SCN7A: variants seen among roughly 807,000 people sequenced by gnomAD.
The protein encoded by SCN7A is sodium voltage-gated channel alpha subunit 7.
In SCN7A, 138 loss-of-function variants were observed where a neutral mutation model predicts 155.2. That is an observed-to-expected ratio of 0.89 (90% CI 0.77 to 1.02). The LOEUF (loss-of-function observed/expected upper bound fraction) is 1.02. SCN7A is among the 50% of genes least tolerant of loss of function. The pLI, the probability that SCN7A is intolerant of heterozygous loss-of-function variation, is 0.00. For synonymous variants in SCN7A, 693 were observed against 649.0 expected, an observed-to-expected ratio of 1.07 and a Z score of -1.03; for missense variants, 2,058 against 1,986.6, an observed-to-expected ratio of 1.04 and a Z score of -0.68.
In SCN7A at chr2:166,414,002, T is replaced by TATATATATATATATATAA. The variant is rs1443391022; in HGVS notation, c.3415-882_3415-881insTTATATATATATATATAT. On this transcript the variant is annotated intron_variant, in intron 21 of 25. Transcript: ENST00000643258. ...ATGTGTATATATATATATATATATA[T>TATATATATATATATATAA]AAATATACTATATATATGTAAATAT... Among the ~76,000 whole-genome samples, 28 of 90,292 alleles carry TATATATATATATATATAA rather than the reference T, an allele frequency of 3.1e-4. 1 individual carries two copies. Among genetic ancestry groups the TATATATATATATATATAA allele is most frequent in the African/African-American group, 1.2e-3 (27 of 22,080 alleles). The allele number at this position is 90,292 out of a possible 152,430, so 59.2% of individuals were successfully genotyped here.
chr2:166,491,206 C>T (rs932064198), intron 1 of SCN7A, among the ~76,000 whole-genome samples: 1 of 152,130 alleles, frequency 6.6e-6, no homozygotes, highest in African/African-American at 2.4e-5. Flanking sequence ...CACCAAATGC[C>T]CTATCATAAT....
intron 15 of SCN7A, among the ~76,000 whole-genome samples, chr2:166,437,915 C>T (rs752043084): frequency 1.3e-5 from 2 of 151,982 alleles, no homozygotes; most frequent in South Asian, 2.1e-4. Flanking sequence ...TTTACAGGCT[C>T]ATAGGTGGAA....
At chr2:166,425,715 G>C (rs1701608334) in intron 18 of SCN7A, among the ~76,000 whole-genome samples, 1 of 152,038 alleles carries the variant, frequency 6.6e-6, no homozygotes, top group Non-Finnish European at 1.5e-5. Context: ...AACTCCTCCA[G>C]CATCTCTTTT....
At chr2:166,480,698 G>A (rs1224582334) in intron 2 of SCN7A, among the ~76,000 whole-genome samples, 1 of 152,104 alleles carries the variant, frequency 6.6e-6, no homozygotes. Context: ...ACTTGACATT[G>A]TCTTGGTATT....
rs910569440 is a variant in SCN7A at position 166,405,008 on chromosome 2, A to T, written c.*572T>A. 5 of 151,914 alleles carry T rather than the reference A, an allele frequency of 3.3e-5. No individual in the cohort carries two copies. Among genetic ancestry groups the T allele is most frequent in the African/African-American group, 1.2e-4 (5 of 41,402 alleles). The allele number at this position is 151,914 out of a possible 1,614,324, so 9.4% of individuals were successfully genotyped here. ...AACAAGAACATACAAAAATAAACAC[A>T]GAGCTTCAACCAATCTTTTTCAAAT... On this transcript the variant is annotated 3_prime_UTR_variant, in exon 26 of 26. Coordinates refer to ENST00000643258, the MANE Select transcript of SCN7A (RefSeq NM_002976.4).
At chr2:166,408,180 A>C in intron 25 of SCN7A, among the ~76,000 whole-genome samples, 1 of 152,170 alleles carries the variant, frequency 6.6e-6, no homozygotes, top group South Asian at 2.1e-4. Flanking sequence ...ATTTTTATAA[A>C]GAAAAAATAA....
chr2:166,471,434 A>G (rs1172437054), intron 6 of SCN7A, among the ~76,000 whole-genome samples: 2 of 151,900 alleles, frequency 1.3e-5, no homozygotes, highest in African/African-American at 4.8e-5. Context: ...AGAAACAGCA[A>G]AACAGCAAAG....
At chr2:166,481,770 T>G (rs1331083198) in intron 2 of SCN7A, among the ~76,000 whole-genome samples, 7 of 152,264 alleles carry the variant, frequency 4.6e-5, no homozygotes, top group East Asian at 3.9e-4. Context: ...GAATGGAGAA[T>G]GTATAGTTGA....
intron 14 of SCN7A, 58 bp from the exon 15 acceptor site, chr2:166,441,810 G>T: frequency 7.5e-7 from 1 of 1,335,542 alleles, no homozygotes; most frequent in South Asian, 1.4e-5. Flanking sequence ...CTTGGTCAGT[G>T]TATATTACAA....
chr2:166,432,214 G>T, intron 16 of SCN7A, 104 bp downstream of exon 16: 1 of 810,658 alleles, frequency 1.2e-6, no homozygotes, highest in Non-Finnish European at 1.9e-6. Flanking sequence ...GATGGAGTTA[G>T]AATTGAGTGG....
intron 3 of SCN7A, among the ~76,000 whole-genome samples, chr2:166,476,670 T>A (rs997670651): frequency 6.6e-6 from 1 of 152,050 alleles, no homozygotes; most frequent in Non-Finnish European, 1.5e-5. Flanking sequence ...AGTCCTTTGA[T>A]CACCATATTA....
Position 166,447,648 on chromosome 2 carries a change from C to T in SCN7A, c.1351G>A (p.Asp451Asn). Residue 451 changes from aspartate to asparagine, a missense_variant, in exon 12 of 26, where the codon GAT becomes AAT. By Grantham distance (23) the Asp-to-Asn change is conservative (BLOSUM62 1). Transcript: ENST00000643258. The stretch of plus-strand genomic sequence containing the variant: ...CTGAGAGTAGCATCTTCCAACACAT[C>T]CAATGATGTGTCTGTGGAAATTGGT... ...RSPISTDTSLDVLEDATLRHK... is the reference protein window; with the variant it reads ...RSPISTDTSLNVLEDATLRHK... 1 of 1,613,120 alleles carries T rather than the reference C, an allele frequency of 6.2e-7. No individual in the cohort carries two copies. The highest frequency in any genetic ancestry group is 8.5e-7 in the Non-Finnish European group (1 of 1,179,354).
intron 2 of SCN7A, among the ~76,000 whole-genome samples, chr2:166,485,386 A>T (rs1434087117): frequency 6.6e-6 from 1 of 152,186 alleles, no homozygotes; most frequent in East Asian, 1.9e-4. Flanking sequence ...GAGAGTCAAC[A>T]GAGTCAACAG....
rs1197993382 is a variant in SCN7A at position 166,456,817 on chromosome 2, TATATATATATATAGATAGATAGATAG to T, written c.1290+27_1290+52del. On this transcript the variant is annotated intron_variant, in intron 11 of 25. Coordinates refer to ENST00000643258, the MANE Select transcript of SCN7A (RefSeq NM_002976.4). Reference sequence around the variant, plus strand: ...TTCAAGACTAAAATATATATATATATATATATATATATAGATAGATAGATAGATAGATAGATAGATAGATATAGATA... The same window carrying T: ...TTCAAGACTAAAATATATATATATATATAGATAGATAGATAGATATAGATA... 61 of 534,102 alleles carry T rather than the reference TATATATATATATAGATAGATAGATAG, an allele frequency of 1.1e-4. No homozygotes were observed. In the East Asian group the frequency reaches 2.1e-3, roughly 18 times the overall value. 33.1% of individuals were successfully genotyped at this position (534,102 alleles called of 1,614,324 possible).
chr2:166,466,886 A>C (rs1424221030), intron 7 of SCN7A, among the ~76,000 whole-genome samples: 1 of 152,000 alleles, frequency 6.6e-6, no homozygotes, highest in Non-Finnish European at 1.5e-5. Flanking sequence ...GAGAATTGAA[A>C]ACTGTCATTT....
rs1030968015 is a variant in SCN7A at position 166,440,889 on chromosome 2, A to C, written c.2157+507T>G. 10 of 155,232 alleles carry C rather than the reference A, an allele frequency of 6.4e-5. No individual in the cohort carries two copies. The Admixed American group carries it at 6.5e-4, about 10-fold the overall frequency. 9.6% of individuals were successfully genotyped at this position (155,232 alleles called of 1,614,324 possible). A position where few individuals can be genotyped will look rare whatever the true frequency, so the allele number is the denominator to read the frequency against. On this transcript the variant is annotated intron_variant, in intron 15 of 25. Coordinates refer to ENST00000643258, the MANE Select transcript of SCN7A (RefSeq NM_002976.4). ...AGCCCAGACAGCTGCTAAAGGACCA[A>C]TAGGTGGTGTATACAGCATGAATAT...
intron 2 of SCN7A, among the ~76,000 whole-genome samples, chr2:166,478,495 C>T (rs1163157460): frequency 6.6e-6 from 1 of 151,576 alleles, no homozygotes; most frequent in Non-Finnish European, 1.5e-5. Flanking sequence ...GCTTTCTTCC[C>T]CCAGCTGTCT....
intron 23 of SCN7A, among the ~76,000 whole-genome samples, chr2:166,410,598 T>C (rs768562543): frequency 6.6e-6 from 1 of 151,938 alleles, no homozygotes; most frequent in Non-Finnish European, 1.5e-5. Flanking sequence ...CATAGGGTTG[T>C]AAAAGAGGAC....
rs1702440329 is a variant in SCN7A, at chr2:166,462,625, G to A, written c.942-95C>T. On this transcript the variant is annotated intron_variant, in intron 9 of 25. Transcript: ENST00000643258. ...TAGAACATCAGTCCTGAGTAATAGA[G>A]AACTCACGCTTCCACAGGGAGAGTA... 5 of 1,142,340 alleles carry A rather than the reference G, an allele frequency of 4.4e-6. No homozygotes were observed. In the South Asian group the frequency reaches 5.1e-5, roughly 12 times the overall value. 70.8% of individuals were successfully genotyped at this position (1,142,340 alleles called of 1,614,324 possible). A position where few individuals can be genotyped will look rare whatever the true frequency, so the allele number is the denominator to read the frequency against.
Sources: allele counts gnomAD v4.1 joint callset (sites outside exome capture counted in the v4.1 genomes callset), GRCh38; gene constraint gnomAD v4.1.1; transcripts MANE v1.5; gene names NCBI Gene and HGNC (gene_info 2026-07-23, HGNC 2026-07-21).